The following TDRD3 variants were observed in gnomAD, a reference collection of about 807,000 sequenced individuals.
The protein encoded by TDRD3 is tudor domain containing 3.
Under a neutral mutation model 86.7 loss-of-function variants are expected in TDRD3, and 45 were observed. The ratio of observed to expected loss-of-function variants is 0.52; its 90% CI spans 0.41 to 0.67. The LOEUF is 0.67. Among genes scored for constraint, TDRD3 ranks in the 30% least tolerant of loss-of-function variants. TDRD3 has a pLI of 0.00. For synonymous variants in TDRD3, 298 were observed against 301.7 expected (o/e 0.99, Z 0.13); for missense variants, 814 against 889.0 (o/e 0.92, Z 1.07).
At chr13:60,499,474 C>T (rs796613407) in intron 8 of TDRD3, among the ~76,000 whole-genome samples, 28 of 152,222 alleles carry the variant, frequency 1.8e-4, no homozygotes, top group African/African-American at 6.3e-4. Context: ...TACTGTCCTT[C>T]CTCAGGGGTA....
rs1024780746 is a variant in TDRD3 at position 60,535,323 on chromosome 13, A to G, written c.2118+90A>G. The G allele has an allele frequency of 4.6e-5, 64 of 1,388,638 alleles. No individual in the cohort carries two copies. In the Middle Eastern group the frequency reaches 1.1e-3, roughly 23 times the overall value. 86.0% of individuals were successfully genotyped at this position (1,388,638 alleles called of 1,614,324 possible). On this transcript the variant is annotated intron_variant, in intron 12 of 13. Transcript: ENST00000377881. Reference sequence around the variant, plus strand: ...ATTAGATAGCCATACAAAATATGCAAGTGGAATCATATTTTGAATTTACTT... The same window carrying G: ...ATTAGATAGCCATACAAAATATGCAGGTGGAATCATATTTTGAATTTACTT...
intron 8 of TDRD3, among the ~76,000 whole-genome samples, chr13:60,500,627 A>G (rs1304587388): frequency 6.6e-6 from 1 of 152,238 alleles, no homozygotes; most frequent in Non-Finnish European, 1.5e-5. Flanking sequence ...TGCACTTTGC[A>G]TTTAAGGAGA....
rs892181548 is a variant in TDRD3, at chr13:60,527,622, A to C, written c.1142-745A>C. ...AAACAGAATAAAAATCACTATGTGAAATACAGTCATTAAAAATTACCTTTC... is the reference window on the plus strand; with the variant it reads ...AAACAGAATAAAAATCACTATGTGACATACAGTCATTAAAAATTACCTTTC... On this transcript the variant is annotated intron_variant, in intron 10 of 13. Coordinates refer to ENST00000377881, the MANE Select transcript of TDRD3 (RefSeq NM_001146070.2). Among the ~76,000 whole-genome samples, 7 of 152,320 alleles carry C rather than the reference A, an allele frequency of 4.6e-5. No individual in the cohort carries two copies. The South Asian group carries it at 6.2e-4, about 14-fold the overall frequency.
intron 5 of TDRD3, among the ~76,000 whole-genome samples, chr13:60,468,403 G>A (rs889712631): frequency 6.6e-6 from 1 of 152,036 alleles, no homozygotes; most frequent in East Asian, 1.9e-4. Context: ...TTCTTCTCAA[G>A]GTGAAGTACT....
At chr13:60,517,983 A>G (rs577706915) in intron 10 of TDRD3, among the ~76,000 whole-genome samples, 1 of 152,340 alleles carries the variant, frequency 6.6e-6, no homozygotes, top group South Asian at 2.1e-4. Context: ...CTGGTCTTTC[A>G]CTACAGTAAG....
At chr13:60,505,560 C>T (rs915897502) in intron 8 of TDRD3, among the ~76,000 whole-genome samples, 5 of 152,150 alleles carry the variant, frequency 3.3e-5, no homozygotes, top group African/African-American at 9.7e-5. Flanking sequence ...AAGCAAGCAG[C>T]GGATCTCTCA....
intron 3 of TDRD3, among the ~76,000 whole-genome samples, chr13:60,458,363 A>T (rs1955726108): frequency 6.6e-6 from 1 of 152,234 alleles, no homozygotes; most frequent in Non-Finnish European, 1.5e-5. Context: ...TACAAAGAAA[A>T]GGCAGTTTGT....
intron 8 of TDRD3, among the ~76,000 whole-genome samples, chr13:60,509,095 G>A (rs1356126240): frequency 1.3e-5 from 2 of 152,150 alleles, no homozygotes; most frequent in African/African-American, 2.4e-5. Flanking sequence ...AAAAGTTAAA[G>A]TTTTGTTTTT....
At chr13:60,478,428 C>G (rs1172580000) in intron 5 of TDRD3, among the ~76,000 whole-genome samples, 7 of 151,342 alleles carry the variant, frequency 4.6e-5, no homozygotes, top group Non-Finnish European at 1.0e-4. Context: ...CCTCAGCCTC[C>G]CAAGTAGCTG....
intron 10 of TDRD3, among the ~76,000 whole-genome samples, chr13:60,520,768 T>C (rs1753206421): frequency 6.6e-6 from 1 of 152,050 alleles, no homozygotes; most frequent in Non-Finnish European, 1.5e-5. Context: ...CTATGATGAG[T>C]AACAGTGAAG....
At position 60,509,761 on chromosome 13, in the gene TDRD3, A is replaced by G; in HGVS notation, c.859-2A>G. On this transcript the variant is annotated splice_acceptor_variant, in intron 8 of 13. Coordinates refer to ENST00000377881, the MANE Select transcript of TDRD3 (RefSeq NM_001146070.2). LOFTEE classifies it high-confidence loss of function. Reference sequence around the variant, plus strand: ...GCCAGCTTTTCTCTTTATTCCTTCCAGGTTGATGAGAAAGCTCTGAAGCAC... The same window carrying G: ...GCCAGCTTTTCTCTTTATTCCTTCCGGGTTGATGAGAAAGCTCTGAAGCAC... 6.2e-7 allele frequency: 1 copy of G among 1,613,568 alleles called. No individual in the cohort carries two copies. The highest frequency in any genetic ancestry group is 8.5e-7 in the Non-Finnish European group (1 of 1,179,554).
intron 10 of TDRD3, among the ~76,000 whole-genome samples, chr13:60,519,781 T>C (rs1044614661): frequency 1.3e-5 from 2 of 152,140 alleles, no homozygotes; most frequent in Admixed American, 6.6e-5. Flanking sequence ...ATCTGTGAAA[T>C]AGGGATGTTA....
At chr13:60,514,896 A>G (rs1173644022) in intron 10 of TDRD3, among the ~76,000 whole-genome samples, 1 of 152,190 alleles carries the variant, frequency 6.6e-6, no homozygotes, top group Non-Finnish European at 1.5e-5. Flanking sequence ...AAAACAGACA[A>G]TAGTTGTATG....
At position 60,567,605 on chromosome 13, in the gene TDRD3, C is replaced by T. The variant is rs199987288; in HGVS notation, c.2199C>T (p.Thr733=). ...AGCCAAGACGATCCACTCGGCCAAC[C>T]CAACAGTTTTACCAACCACCCCGGG... The part of the protein sequence containing the change: ...DGQPRRSTRP[T]QQFYQPPRAR... Residue 733 remains threonine, a synonymous_variant, in exon 13 of 14, where the codon ACC becomes ACT. Coordinates refer to ENST00000377881, the MANE Select transcript of TDRD3 (RefSeq NM_001146070.2). The T allele has an allele frequency of 1.1e-5, 17 of 1,614,098 alleles. No homozygotes were observed. In the East Asian group the frequency reaches 3.8e-4, roughly 36 times the overall value.
In TDRD3 at chr13:60,550,235, G is replaced by GA. The variant is rs200178365; in HGVS notation, c.2118+15007dup. Among the ~76,000 whole-genome samples, 693 of 152,144 alleles carry GA rather than the reference G, an allele frequency of 4.6e-3. 4 individuals carry two copies. The highest frequency in any genetic ancestry group is 6.8e-3 in the Non-Finnish European group (465 of 67,914). On this transcript the variant is annotated intron_variant, in intron 12 of 13. Coordinates refer to ENST00000377881, the MANE Select transcript of TDRD3 (RefSeq NM_001146070.2). ...TATGAAATTGATGAACATCCCATTT[G>GA]AAAAATGTATTCTAGTGATAAATTC...
At chr13:60,414,077 G>T (rs1473508307) in intron 1 of TDRD3, among the ~76,000 whole-genome samples, 1 of 151,960 alleles carries the variant, frequency 6.6e-6, no homozygotes, top group East Asian at 1.9e-4. Context: ...TTATAAATAA[G>T]GATTTCACTT....
At chr13:60,398,869 T>C (rs2137782598) in intron 1 of TDRD3, among the ~76,000 whole-genome samples, 1 of 152,296 alleles carries the variant, frequency 6.6e-6, no homozygotes, top group East Asian at 1.9e-4. Context: ...TTTCAGTTTT[T>C]TTACCCACAA....
chr13:60,539,942 G>A (rs1442944807), intron 12 of TDRD3, among the ~76,000 whole-genome samples: 1 of 151,996 alleles, frequency 6.6e-6, no homozygotes, highest in Non-Finnish European at 1.5e-5. Context: ...TATCATAGTA[G>A]ATATTAAAAA....
chr13:60,446,946 T>C (rs1955414818), intron 3 of TDRD3, among the ~76,000 whole-genome samples: 1 of 152,180 alleles, frequency 6.6e-6, no homozygotes, highest in African/African-American at 2.4e-5. Flanking sequence ...TAAGTTATAG[T>C]TCTTGTTTAA....
Sources: allele counts gnomAD v4.1 joint callset (sites outside exome capture counted in the v4.1 genomes callset), GRCh38; gene constraint gnomAD v4.1.1; transcripts MANE v1.5; gene names NCBI Gene and HGNC (gene_info 2026-07-23, HGNC 2026-07-21).